Variants in ZNF407 observed in about 807,000 individuals in gnomAD.
ZNF407 encodes the protein zinc finger protein 407.
ZNF407 carries 17 observed loss-of-function variants against 131.2 expected under a neutral mutation model. The ratio of observed to expected loss-of-function variants is 0.13; its 90% CI spans 0.09 to 0.19. ZNF407 has a LOEUF of 0.19. ZNF407 is among the 10% of genes least tolerant of loss of function. ZNF407 has a pLI of 1.00. For synonymous variants in ZNF407, 1,156 were observed against 1,062.0 expected (o/e 1.09, Z -1.72); for missense variants, 2,681 against 2,830.6 (o/e 0.95, Z 1.20).
At chr18:74,678,038 C>G (rs1966893823) in intron 3 of ZNF407, among the ~76,000 whole-genome samples, 8 of 152,046 alleles carry the variant, frequency 5.3e-5, no homozygotes, top group Admixed American at 4.6e-4. Flanking sequence ...CCATGCTCAT[C>G]TTGAACTCCT....
chr18:74,695,977 G>T (rs2144810241), intron 3 of ZNF407, among the ~76,000 whole-genome samples: 1 of 152,298 alleles, frequency 6.6e-6, no homozygotes, highest in African/African-American at 2.4e-5. Context: ...TTAGGTTTTT[G>T]GTTAGGGTAT....
At chr18:74,913,409 C>T (rs1347312087) in intron 7 of ZNF407, among the ~76,000 whole-genome samples, 1 of 152,096 alleles carries the variant, frequency 6.6e-6, no homozygotes, top group Non-Finnish European at 1.5e-5. Context: ...GGAGTAGAGA[C>T]ATGTAGGGGA....
chr18:74,840,654 C>T (rs1298997034), intron 4 of ZNF407, among the ~76,000 whole-genome samples: 3 of 152,290 alleles, frequency 2.0e-5, no homozygotes, highest in East Asian at 3.9e-4. Flanking sequence ...GCTGGCACTA[C>T]AGGCATGCCC....
At chr18:74,849,052 C>CTTTTTTTTCT (rs1970741409) in intron 4 of ZNF407, among the ~76,000 whole-genome samples, 1 of 122,946 alleles carries the variant, frequency 8.1e-6, no homozygotes, top group African/African-American at 3.0e-5. Context: ...ACTTTTGTTT[C>CTTTTTTTTCT]TTTTTTTTTT....
At chr18:74,659,450 C>T (rs1156721461) in intron 3 of ZNF407, among the ~76,000 whole-genome samples, 1 of 152,030 alleles carries the variant, frequency 6.6e-6, no homozygotes, top group Non-Finnish European at 1.5e-5. Context: ...AGCTAAAATT[C>T]GTGGCTAAAT....
intron 8 of ZNF407, among the ~76,000 whole-genome samples, chr18:74,953,998 A>G (rs1463287558): frequency 6.6e-6 from 1 of 152,158 alleles, no homozygotes; most frequent in African/African-American, 2.4e-5. Context: ...ATGTGCGTGC[A>G]CGTGGACACA....
intron 8 of ZNF407, among the ~76,000 whole-genome samples, chr18:74,953,842 C>G (rs1318385898): frequency 1.3e-5 from 2 of 152,192 alleles, no homozygotes; most frequent in African/African-American, 4.8e-5. Context: ...CTTCACCACA[C>G]CAGCAGGAAT....
intron 8 of ZNF407, among the ~76,000 whole-genome samples, chr18:74,951,360 G>A (rs1972211936): frequency 6.6e-6 from 1 of 152,152 alleles, no homozygotes. Flanking sequence ...CCTGTTCTTG[G>A]TTTCTTGACT....
At chr18:74,746,809 AAAGGAG>A (rs1293139136) in intron 3 of ZNF407, among the ~76,000 whole-genome samples, 2 of 152,178 alleles carry the variant, frequency 1.3e-5, no homozygotes, top group Non-Finnish European at 2.9e-5. Flanking sequence ...ACGATAAGTA[AAAGGAG>A]TACACTCTAA....
chr18:74,678,971 C>G (rs865913827), intron 3 of ZNF407, among the ~76,000 whole-genome samples: 4 of 151,550 alleles, frequency 2.6e-5, no homozygotes, highest in Non-Finnish European at 4.4e-5. Context: ...ATGGGCCCAC[C>G]GAGAGATGCA....
At chr18:74,797,860 A>G (rs761890649) in intron 4 of ZNF407, among the ~76,000 whole-genome samples, 2 of 149,456 alleles carry the variant, frequency 1.3e-5, no homozygotes, top group African/African-American at 2.5e-5. Context: ...GCCATATTTC[A>G]TTAATTAAGG....
rs1443305246 is a variant in ZNF407 at position 74,766,636 on chromosome 18, C to G, written c.4803-14792C>G. Among the ~76,000 whole-genome samples, 4 of 152,242 alleles carry G rather than the reference C, an allele frequency of 2.6e-5. No homozygotes were observed. In the East Asian group the frequency reaches 7.7e-4, roughly 29 times the overall value. On this transcript the variant is annotated intron_variant, in intron 3 of 8. Coordinates refer to ENST00000299687, the MANE Select transcript of ZNF407 (RefSeq NM_017757.3). ...CATCTTTGTAAGGCGTATTTAATCTCTAACTAAAGAAAAAAAGAAGATACA... is the reference window on the plus strand; with the variant it reads ...CATCTTTGTAAGGCGTATTTAATCTGTAACTAAAGAAAAAAAGAAGATACA...
At chr18:74,744,251 C>A (rs1273986550) in intron 3 of ZNF407, among the ~76,000 whole-genome samples, 2 of 152,162 alleles carry the variant, frequency 1.3e-5, no homozygotes, top group African/African-American at 4.8e-5. Context: ...GATTTGGATA[C>A]CTTCTTCATG....
intron 8 of ZNF407, among the ~76,000 whole-genome samples, chr18:75,034,756 T>A (rs1385475722): frequency 6.6e-6 from 1 of 152,180 alleles, no homozygotes; most frequent in Non-Finnish European, 1.5e-5. Context: ...CCCACATACT[T>A]TGGTGCTTAG....
chr18:74,788,755 T>C (rs183833324), intron 4 of ZNF407, among the ~76,000 whole-genome samples: 5 of 150,410 alleles, frequency 3.3e-5, no homozygotes, highest in South Asian at 2.1e-4. Flanking sequence ...CATTCCTCAA[T>C]TTTAATCTAG....
intron 4 of ZNF407, among the ~76,000 whole-genome samples, chr18:74,824,435 T>G (rs1227703845): frequency 2.0e-5 from 3 of 152,104 alleles, no homozygotes; most frequent in African/African-American, 4.8e-5. Context: ...GCTGGTTTTT[T>G]GAAAAGATCA....
chr18:74,963,214 T>C (rs2145294468), intron 8 of ZNF407, among the ~76,000 whole-genome samples: 1 of 152,134 alleles, frequency 6.6e-6, no homozygotes, highest in South Asian at 2.1e-4. Flanking sequence ...ACCATTGGGT[T>C]ATGCATTGCC....
chr18:74,862,637 T>A (rs1970953186), intron 4 of ZNF407, among the ~76,000 whole-genome samples: 1 of 152,224 alleles, frequency 6.6e-6, no homozygotes. Flanking sequence ...ATTTGTCAAA[T>A]TTTAATTGGT....
chr18:75,024,090 T>C (rs1421860793), intron 8 of ZNF407, among the ~76,000 whole-genome samples: 2 of 152,194 alleles, frequency 1.3e-5, no homozygotes, highest in African/African-American at 4.8e-5. Flanking sequence ...TGATTAAGTT[T>C]GAAACTAAGA....
Sources: allele counts gnomAD v4.1 joint callset (sites outside exome capture counted in the v4.1 genomes callset), GRCh38; gene constraint gnomAD v4.1.1; transcripts MANE v1.5; gene names NCBI Gene and HGNC (gene_info 2026-07-23, HGNC 2026-07-21).